HPCAL1: variants seen among roughly 807,000 people sequenced by gnomAD.
HPCAL1 encodes hippocalcin like 1.
HPCAL1 carries 8 observed loss-of-function variants against 17.1 expected under a neutral mutation model. That is an observed-to-expected ratio of 0.47 (90% CI 0.27 to 0.84). HPCAL1 has a LOEUF of 0.84. Among genes scored for constraint, HPCAL1 ranks in the 40% least tolerant of loss-of-function variants. The pLI is 0.13. For synonymous variants in HPCAL1, 112 were observed against 111.4 expected (o/e 1.01, Z -0.03); for missense variants, 165 against 271.1 (o/e 0.61, Z 2.75).
chr2:10,335,944 A>G (rs6739147), intron 1 of HPCAL1, among the ~76,000 whole-genome samples: 1 of 152,160 alleles, frequency 6.6e-6, no homozygotes, highest in Non-Finnish European at 1.5e-5. Context: ...GCATGTTCGT[A>G]TCCTCTGCTG....
intron 1 of HPCAL1, among the ~76,000 whole-genome samples, chr2:10,376,871 CGTATTGTATTGTGTGTAGTA>C: frequency 8.1e-6 from 1 of 123,658 alleles, no homozygotes; most frequent in South Asian, 2.5e-4. Context: ...CAATACATAG[CGTATTGTATTGTGTGTAGTA>C]CAATACATAG....
At chr2:10,327,793 A>G (rs1216055027) in intron 1 of HPCAL1, among the ~76,000 whole-genome samples, 1 of 152,206 alleles carries the variant, frequency 6.6e-6, no homozygotes, top group Non-Finnish European at 1.5e-5. Flanking sequence ...GGAGTTATTT[A>G]GAGCCAAACT....
intron 1 of HPCAL1, among the ~76,000 whole-genome samples, chr2:10,341,570 G>A (rs951096127): frequency 3.9e-5 from 6 of 151,908 alleles, no homozygotes; most frequent in Non-Finnish European, 7.4e-5. Context: ...AAGAGACGGG[G>A]GTCTTTAAGC....
At chr2:10,373,008 G>A (rs1667321904) in intron 1 of HPCAL1, among the ~76,000 whole-genome samples, 1 of 152,248 alleles carries the variant, frequency 6.6e-6, no homozygotes, top group South Asian at 2.1e-4. Flanking sequence ...TCACACACAG[G>A]CGCTGCCTGA....
Position 10,331,451 on chromosome 2 carries a change from C to T in HPCAL1, c.-111+28274C>T, listed in dbSNP as rs1241853793. Among the ~76,000 whole-genome samples the T allele has an allele frequency of 2.6e-5, 4 of 152,180 alleles. No homozygotes were observed. Among genetic ancestry groups the T allele is most frequent in the South Asian group, 2.1e-4 (1 of 4,830 alleles). On this transcript the variant is annotated intron_variant, in intron 1 of 4. Transcript: ENST00000307845. The surrounding 1 kb of genome is among the most constrained non-coding windows in gnomAD (Gnocchi z 5.0). Reference sequence around the variant, plus strand: ...TCATGTCCCTTGTCCCACAGGACACCGTTTCTGAACCCAGGAGACACTCAG... The same window carrying T: ...TCATGTCCCTTGTCCCACAGGACACTGTTTCTGAACCCAGGAGACACTCAG...
chr2:10,361,904 A>G (rs776842779), intron 1 of HPCAL1, among the ~76,000 whole-genome samples: 15 of 151,992 alleles, frequency 9.9e-5, no homozygotes, highest in Admixed American at 1.3e-4. Flanking sequence ...TTTAATAGAG[A>G]TGGTGTTTCA....
intron 4 of HPCAL1, chr2:10,424,829 G>A: frequency 2.9e-6 from 1 of 347,128 alleles, no homozygotes; most frequent in South Asian, 2.1e-5. Context: ...CAGGAGTGAT[G>A]GTGCCCTGGA....
At chr2:10,356,816 T>C (rs1666189649) in intron 1 of HPCAL1, among the ~76,000 whole-genome samples, 1 of 152,160 alleles carries the variant, frequency 6.6e-6, no homozygotes, top group African/African-American at 2.4e-5. Flanking sequence ...CCCATGCTTG[T>C]GCCCCTGTGC....
intron 1 of HPCAL1, among the ~76,000 whole-genome samples, chr2:10,366,437 T>C (rs1366668883): frequency 6.6e-6 from 1 of 152,170 alleles, no homozygotes; most frequent in Non-Finnish European, 1.5e-5. Context: ...GGTTTCACCA[T>C]GTTGGCCATG....
In HPCAL1 at chr2:10,342,154, G is replaced by T. The variant is rs1300626188; in HGVS notation, c.-111+38977G>T. Among the ~76,000 whole-genome samples the T allele has an allele frequency of 1.3e-5, 2 of 152,104 alleles. No individual in the cohort carries two copies. The highest frequency in any genetic ancestry group is 2.9e-5 in the Non-Finnish European group (2 of 68,018). On this transcript the variant is annotated intron_variant, in intron 1 of 4. Transcript: ENST00000307845. This position sits in a 1 kb window ranked among gnomAD's most constrained non-coding sequence, Gnocchi z 4.1. ...CGCTGTGCTCCAGCCTGGTGACAGAGTGGACCTTGTCTGTAAAAATAATAA... is the reference window on the plus strand; with the variant it reads ...CGCTGTGCTCCAGCCTGGTGACAGATTGGACCTTGTCTGTAAAAATAATAA...
At chr2:10,361,147 C>T (rs904695390) in intron 1 of HPCAL1, among the ~76,000 whole-genome samples, 1 of 148,042 alleles carries the variant, frequency 6.8e-6, no homozygotes. Context: ...CAGTGCTGGA[C>T]GGTGGCCAGT....
chr2:10,333,773 G>C (rs1420960267), intron 1 of HPCAL1, among the ~76,000 whole-genome samples: 1 of 152,124 alleles, frequency 6.6e-6, no homozygotes, highest in Non-Finnish European at 1.5e-5. Context: ...TTAGCATTCT[G>C]AGCTATACCC....
chr2:10,325,691 C>T (rs1425147702), intron 1 of HPCAL1, among the ~76,000 whole-genome samples: 1 of 152,232 alleles, frequency 6.6e-6, no homozygotes, highest in Non-Finnish European at 1.5e-5. Flanking sequence ...ACTGCTAATG[C>T]AGTCATGGCT....
At chr2:10,390,270 C>G (rs1319243915) in intron 1 of HPCAL1, among the ~76,000 whole-genome samples, 1 of 152,214 alleles carries the variant, frequency 6.6e-6, no homozygotes, top group African/African-American at 2.4e-5. Context: ...TCTCAGACCA[C>G]AGCCCACCCT....
chr2:10,304,894 C>G lies in HPCAL1; in HGVS notation c.-111+1717C>G, dbSNP rs1206050722. On this transcript the variant is annotated intron_variant, in intron 1 of 4. Coordinates refer to ENST00000307845, the MANE Select transcript of HPCAL1 (RefSeq NM_002149.4). The surrounding 1 kb of genome is among the most constrained non-coding windows in gnomAD (Gnocchi z 4.1). ...CTGCGGAGGGGACAGCATGGGCGGC[C>G]TTTTGGTATGGATGCGCTTCCCAAC... 6.6e-6 allele frequency among the ~76,000 whole-genome samples: 1 copy of G among 152,162 alleles called. No individual in the cohort carries two copies. Among genetic ancestry groups the G allele is most frequent in the African/African-American group, 2.4e-5 (1 of 41,440 alleles).
intron 1 of HPCAL1, among the ~76,000 whole-genome samples, chr2:10,381,293 C>T (rs935938582): frequency 2.6e-5 from 4 of 152,230 alleles, no homozygotes; most frequent in African/African-American, 4.8e-5. Context: ...ACAACAGAGA[C>T]GTGGCTCTGC....
At chr2:10,405,238 G>A (rs555834515) in intron 2 of HPCAL1, among the ~76,000 whole-genome samples, 13 of 152,344 alleles carry the variant, frequency 8.5e-5, no homozygotes, top group African/African-American at 3.1e-4. Context: ...GCTCCCAGCA[G>A]CACCCCTCAT....
intron 2 of HPCAL1, among the ~76,000 whole-genome samples, chr2:10,399,439 C>T (rs796970196): frequency 4.6e-5 from 4 of 86,848 alleles, no homozygotes; most frequent in African/African-American, 8.0e-5. Context: ...ACCACCACCA[C>T]CATCACCATC....
At chr2:10,309,396 A>C (rs1558446964) in intron 1 of HPCAL1, among the ~76,000 whole-genome samples, 2 of 152,372 alleles carry the variant, frequency 1.3e-5, no homozygotes, top group Admixed American at 1.3e-4. Flanking sequence ...GCCCAAGGGC[A>C]TCAGCAGAAA....
Sources: allele counts gnomAD v4.1 joint callset (sites outside exome capture counted in the v4.1 genomes callset), GRCh38; gene constraint gnomAD v4.1.1; non-coding constraint Gnocchi (gnomAD v3.1); transcripts MANE v1.5; gene names NCBI Gene and HGNC (gene_info 2026-07-23, HGNC 2026-07-21).